The following MROH9 variants were observed in gnomAD, a reference collection of about 807,000 sequenced individuals.
MROH9 encodes maestro heat like repeat family member 9.
MROH9 carries 92 observed loss-of-function variants against 98.2 expected under a neutral mutation model. The ratio of observed to expected loss-of-function variants is 0.94; its 90% CI spans 0.79 to 1.11. The LOEUF (loss-of-function observed/expected upper bound fraction) is 1.11. MROH9 is among the 50% of genes most tolerant of loss of function. The probability of loss-of-function intolerance (pLI) is 0.00; values close to 1 mark genes in which losing one functional copy is unlikely to be tolerated. For synonymous variants in MROH9, 397 were observed against 368.9 expected (o/e 1.08, Z -0.87); for missense variants, 1,057 against 1,014.8 (o/e 1.04, Z -0.57).
chr1:171,006,491 C>A (rs28863252), intron 15 of MROH9, among the ~76,000 whole-genome samples: 21,482 of 151,976 alleles, frequency 0.14, 1,687 homozygotes, highest in African/African-American at 0.21. Context: ...CTCCCCCACA[C>A]CTCTTTCTGC....
At chr1:170,994,194 A>C (rs1651469954) in intron 12 of MROH9, among the ~76,000 whole-genome samples, 1 of 152,202 alleles carries the variant, frequency 6.6e-6, no homozygotes, top group South Asian at 2.1e-4. Flanking sequence ...GGGTGACTGC[A>C]TATGTGGTGG....
At chr1:171,050,236 T>A (rs1653621819) in intron 20 of MROH9, among the ~76,000 whole-genome samples, 1 of 152,098 alleles carries the variant, frequency 6.6e-6, no homozygotes, top group African/African-American at 2.4e-5. Flanking sequence ...TTTCCCTAAT[T>A]TTTCTTTTAT....
chr1:170,997,307 G>A (rs1226912292), intron 14 of MROH9, among the ~76,000 whole-genome samples: 2 of 152,088 alleles, frequency 1.3e-5, no homozygotes, highest in African/African-American at 4.8e-5. Flanking sequence ...AACACATGCT[G>A]TGTTAAAGTG....
In MROH9 at chr1:170,942,368, GACACACACAC is replaced by G. The variant is rs10529238; in HGVS notation, c.-37-3119_-37-3110del. On this transcript the variant is annotated intron_variant, in intron 1 of 21. Transcript: ENST00000367759. Reference sequence around the variant, plus strand: ...CAGTTTCCTCCGGCAATGTAGAGTAGACACACACACACACACACACACACACACACACACA... The same window carrying G: ...CAGTTTCCTCCGGCAATGTAGAGTAGACACACACACACACACACACACACA... Among the ~76,000 whole-genome samples, 1,178 of 145,044 alleles carry G rather than the reference GACACACACAC, an allele frequency of 8.1e-3. 6 individuals are homozygous for G. Among genetic ancestry groups the G allele is most frequent in the African/African-American group, 0.018 (697 of 38,862 alleles).
chr1:170,964,607 G>C (rs964150016), intron 6 of MROH9, among the ~76,000 whole-genome samples: 5 of 152,020 alleles, frequency 3.3e-5, no homozygotes, highest in Admixed American at 6.6e-5. Context: ...AGAAGGTGCA[G>C]CTAAGACAGA....
chr1:170,936,190 G>T (rs985353343), intron 1 of MROH9, among the ~76,000 whole-genome samples: 2 of 152,008 alleles, frequency 1.3e-5, no homozygotes, highest in Non-Finnish European at 2.9e-5. Context: ...TTATTATAAG[G>T]TATTGGTTTA....
intron 10 of MROH9, among the ~76,000 whole-genome samples, chr1:170,987,802 A>G (rs1365608460): frequency 6.6e-6 from 1 of 152,228 alleles, no homozygotes; most frequent in East Asian, 1.9e-4. Context: ...TCCTACCAAC[A>G]TTCTCTACCT....
chr1:171,010,312 A>G (rs1458569121), intron 15 of MROH9, among the ~76,000 whole-genome samples: 1 of 152,204 alleles, frequency 6.6e-6, no homozygotes, highest in Non-Finnish European at 1.5e-5. Context: ...TATATGTGCC[A>G]CATTTTCTTT....
chr1:170,973,871 G>A (rs1041811150), intron 8 of MROH9, among the ~76,000 whole-genome samples: 29 of 152,162 alleles, frequency 1.9e-4, no homozygotes, highest in African/African-American at 6.0e-4. Context: ...AAATGGCACA[G>A]ATGATAGAAT....
At chr1:170,950,689 T>C (rs1649517071) in intron 3 of MROH9, among the ~76,000 whole-genome samples, 1 of 152,110 alleles carries the variant, frequency 6.6e-6, no homozygotes, top group Admixed American at 6.6e-5. Flanking sequence ...TACCTTTTTA[T>C]ATGTTCAAAC....
intron 3 of MROH9, among the ~76,000 whole-genome samples, chr1:170,952,250 A>T (rs1649579392): frequency 1.3e-5 from 2 of 151,976 alleles, no homozygotes; most frequent in African/African-American, 2.4e-5. Context: ...CCATTACTGG[A>T]TGTATACCCA....
chr1:170,953,895 A>AAAG (rs1553210091), intron 3 of MROH9, among the ~76,000 whole-genome samples: 12 of 149,792 alleles, frequency 8.0e-5, no homozygotes, highest in African/African-American at 3.0e-4. Flanking sequence ...AAGAAAGAAA[A>AAAG]AAAGAGAGAG....
At chr1:170,993,812 A>G (rs1330813609) in intron 12 of MROH9, among the ~76,000 whole-genome samples, 1 of 152,102 alleles carries the variant, frequency 6.6e-6, no homozygotes, top group East Asian at 1.9e-4. Context: ...AACCACCTCT[A>G]TGCAATTGCC....
chr1:170,959,494 A>G lies in MROH9; in HGVS notation c.185A>G (p.Gln62Arg). 1 of 1,612,464 alleles carries G rather than the reference A, an allele frequency of 6.2e-7. No homozygotes were observed. The highest frequency in any genetic ancestry group is 8.5e-7 in the Non-Finnish European group (1 of 1,179,304). The change falls in exon 5 of 22, where the codon CAG becomes CGG. Residue 62 changes from glutamine to arginine, a missense_variant. Coordinates refer to ENST00000367759, the MANE Select transcript of MROH9 (RefSeq NM_001163629.2). ...FVDPLLQFES[Q>R]LKIIESSFGM... ...GATCCCTTACTGCAGTTTGAATCTC[A>G]GTTGAAGATAATAGAGTCATCCTTT...
chr1:171,004,673 G>A (rs1247450496), intron 15 of MROH9, among the ~76,000 whole-genome samples: 1 of 152,094 alleles, frequency 6.6e-6, no homozygotes, highest in Non-Finnish European at 1.5e-5. Context: ...AGGATTGCTG[G>A]TTTGTCCTTG....
chr1:171,014,369 A>G (rs1652261045), intron 16 of MROH9, 115 bp downstream of exon 16: 1 of 897,792 alleles, frequency 1.1e-6, no homozygotes, highest in Admixed American at 3.0e-5. Context: ...CTATATAACT[A>G]AAACATATCA....
At chr1:170,949,950 A>G (rs17562888) in intron 3 of MROH9, among the ~76,000 whole-genome samples, 12,126 of 152,156 alleles carry the variant, frequency 0.08, 625 homozygotes, top group Non-Finnish European at 0.11. Context: ...CAATGATAGT[A>G]AAAATAGCTA....
At chr1:171,036,480 T>C (rs1653102419) in intron 20 of MROH9, among the ~76,000 whole-genome samples, 3 of 152,082 alleles carry the variant, frequency 2.0e-5, no homozygotes, top group Admixed American at 6.6e-5. Flanking sequence ...GAAAATAATT[T>C]GACATCATCT....
In MROH9 at chr1:171,023,981, CAT is replaced by C. The variant is rs201807206; in HGVS notation, c.1909-410_1909-409del. ...ATGAGTTCAACCTTTTAATATTCCA[CAT>C]ATAAGTGAGATCATGCAATATTTGT... On this transcript the variant is annotated intron_variant, in intron 17 of 21. Transcript: ENST00000367759. Among the ~76,000 whole-genome samples, 505 of 152,292 alleles carry C rather than the reference CAT, an allele frequency of 3.3e-3. 10 individuals are homozygous for C. The highest frequency in any genetic ancestry group is 0.023 in the Admixed American group (359 of 15,288).
Sources: gnomAD v4.1 joint callset for allele counts (sites outside exome capture counted in the v4.1 genomes callset) on GRCh38, gnomAD v4.1.1 for gene constraint, MANE v1.5 for transcripts, NCBI Gene and HGNC (gene_info 2026-07-23, HGNC 2026-07-21) for gene names.